Variants in KHDC1 observed in about 807,000 individuals in gnomAD.
KHDC1 encodes KH domain containing 1.
KHDC1 carries 21 observed loss-of-function variants against 24.7 expected under a neutral mutation model. The observed-to-expected ratio is 0.85, with a 90% confidence interval of 0.60 to 1.23. The LOEUF (loss-of-function observed/expected upper bound fraction) is 1.23, where lower values mean the gene tolerates loss of function less well. Ranked by LOEUF, KHDC1 falls within the 50% of genes most tolerant of loss-of-function variation. KHDC1 has a pLI of 0.00. For synonymous variants in KHDC1, 98 were observed against 111.7 expected (o/e 0.88, Z 0.77); for missense variants, 274 against 298.5 (o/e 0.92, Z 0.61).
chr6:73,279,133 A>G (rs78662395), intron 2 of KHDC1, among the ~76,000 whole-genome samples: 10,088 of 152,302 alleles, frequency 0.066, 350 homozygotes, highest in East Asian at 0.13. Flanking sequence ...TCAATCTGGC[A>G]TGGTGGCTCA....
At chr6:73,269,963 A>G (rs973266220) in intron 2 of KHDC1, 1 of 152,020 alleles carries the variant, frequency 6.6e-6, no homozygotes, top group South Asian at 2.1e-4. Flanking sequence ...TTTTGTGGAG[A>G]CAAGGTCTCA....
chr6:73,282,888 T>G (rs761902750), intron 2 of KHDC1, among the ~76,000 whole-genome samples: 1 of 152,222 alleles, frequency 6.6e-6, no homozygotes, highest in Non-Finnish European at 1.5e-5. Flanking sequence ...AGGAGACAGA[T>G]TTGAGTAATG....
At chr6:73,246,921 T>C (rs1318532591) in intron 2 of KHDC1, among the ~76,000 whole-genome samples, 1 of 152,058 alleles carries the variant, frequency 6.6e-6, no homozygotes, top group Non-Finnish European at 1.5e-5. Context: ...TCCTAATAGT[T>C]TGATTATTTT....
intron 1 of KHDC1, chr6:73,300,431 CTGCTTTT>C (rs764783845): frequency 2.0e-5 from 3 of 152,204 alleles, no homozygotes; most frequent in Non-Finnish European, 2.9e-5. Flanking sequence ...TCCTCCTCCT[CTGCTTTT>C]TTTCTCCAAA....
At chr6:73,306,081 AAATTAAGTAATCAGGG>A (rs1334224386) in intron 1 of KHDC1, among the ~76,000 whole-genome samples, 1 of 152,218 alleles carries the variant, frequency 6.6e-6, no homozygotes, top group Non-Finnish European at 1.5e-5. Context: ...TAGTAGTCAT[AAATTAAGTAATCAGGG>A]ATTAAACAAA....
chr6:73,261,618 C>CA (rs112743958), intron 2 of KHDC1, among the ~76,000 whole-genome samples: 2,375 of 141,172 alleles, frequency 0.017, 46 homozygotes, highest in African/African-American at 0.051. Flanking sequence ...AAAAAAATAC[C>CA]AAAAAAAAAA....
chr6:73,303,250 G>C (rs1299981081), intron 1 of KHDC1, among the ~76,000 whole-genome samples: 1 of 152,072 alleles, frequency 6.6e-6, no homozygotes, highest in Non-Finnish European at 1.5e-5. Flanking sequence ...GTGGTTACAA[G>C]AGATTTGGGG....
intron 1 of KHDC1, among the ~76,000 whole-genome samples, chr6:73,307,107 C>T (rs553793963): frequency 5.2e-4 from 79 of 152,216 alleles, no homozygotes; most frequent in Non-Finnish European, 8.7e-4. Context: ...CACTGATCAA[C>T]ACTAAACTAA....
At chr6:73,245,768 C>T (rs1766653639) in intron 2 of KHDC1, among the ~76,000 whole-genome samples, 1 of 152,122 alleles carries the variant, frequency 6.6e-6, no homozygotes, top group Non-Finnish European at 1.5e-5. Context: ...ACACCCCCCA[C>T]CACCCAATCA....
At chr6:73,256,026 A>G (rs1041415588) in intron 2 of KHDC1, among the ~76,000 whole-genome samples, 5 of 152,084 alleles carry the variant, frequency 3.3e-5, no homozygotes, top group Non-Finnish European at 7.3e-5. Flanking sequence ...GTGGTACCTT[A>G]GACAATCATG....
chr6:73,263,472 C>T lies in KHDC1; in HGVS notation c.207-20942G>A, dbSNP rs940072444. 41 of 172,430 alleles carry T rather than the reference C, an allele frequency of 2.4e-4. 1 individual carries two copies. The highest frequency in any genetic ancestry group is 2.3e-3 in the Admixed American group (35 of 15,310). The allele number at this position is 172,430 out of a possible 1,614,324, so 10.7% of individuals were successfully genotyped here. A position where few individuals can be genotyped will look rare whatever the true frequency, so the allele number is the denominator to read the frequency against. ...CTCAGCCCGGAGGGGGTTTTGGGGA[C>T]CCAGGCTGTGGGGCTGCCTCTTCCC... On this transcript the variant is annotated intron_variant, in intron 2 of 4. Transcript: ENST00000370384.
At chr6:73,283,148 C>T (rs1006802182) in intron 2 of KHDC1, among the ~76,000 whole-genome samples, 2 of 152,136 alleles carry the variant, frequency 1.3e-5, no homozygotes, top group Non-Finnish European at 2.9e-5. Context: ...TTATTGTAAT[C>T]TTTTGAAGGA....
chr6:73,305,459 CTG>C (rs1193227154), intron 1 of KHDC1, among the ~76,000 whole-genome samples: 3 of 151,990 alleles, frequency 2.0e-5, no homozygotes, highest in East Asian at 3.8e-4. Context: ...TTTAGTTTCT[CTG>C]TGTCTGAAAT....
At chr6:73,263,234 G>T (rs1767019020) in intron 2 of KHDC1, 38 bp from the exon 1 acceptor site, 5 of 986,746 alleles carry the variant, frequency 5.1e-6, no homozygotes, top group Non-Finnish European at 6.0e-6. Flanking sequence ...CTGCGGCGCG[G>T]GAAGCAACCC....
At chr6:73,254,507 TAAATA>T (rs1393337569) in intron 2 of KHDC1, among the ~76,000 whole-genome samples, 1 of 144,742 alleles carries the variant, frequency 6.9e-6, no homozygotes, top group East Asian at 2.1e-4. Context: ...AATAAATAAA[TAAATA>T]AAAGACTACG....
At chr6:73,270,198 G>A (rs1767155238) in intron 2 of KHDC1, 1 of 152,058 alleles carries the variant, frequency 6.6e-6, no homozygotes, top group Admixed American at 6.6e-5. Flanking sequence ...AAATTTCTAT[G>A]CATATATGTG....
Position 73,292,084 on chromosome 6 carries a change from A to G in KHDC1, c.164-44T>C, listed in dbSNP as rs569997627. 4 of 1,612,652 alleles carry G rather than the reference A, an allele frequency of 2.5e-6. No individual in the cohort carries two copies. The East Asian group carries it at 8.9e-5, about 36-fold the overall frequency. ...AAGAAAAGGAATTATTACAAGGTAA[A>G]TTGGACCTTCTTAGTGATGCCAACA... On this transcript the variant is annotated intron_variant, in intron 1 of 4. Transcript: ENST00000370384.
chr6:73,298,750 T>A (rs1385458833), intron 1 of KHDC1, among the ~76,000 whole-genome samples: 1 of 151,428 alleles, frequency 6.6e-6, no homozygotes, highest in African/African-American at 2.4e-5. Flanking sequence ...TTTTAAGATG[T>A]TATTAGAGAC....
At chr6:73,242,346 G>A (rs1766588194) in intron 3 of KHDC1, 60 bp downstream of exon 2, 23 of 1,611,202 alleles carry the variant, frequency 1.4e-5, no homozygotes, top group Non-Finnish European at 2.0e-5. Context: ...GGAGGGGAGA[G>A]GAAGAGTGAA....
Sources: gnomAD v4.1 joint callset for allele counts (sites outside exome capture counted in the v4.1 genomes callset) on GRCh38, gnomAD v4.1.1 for gene constraint, MANE v1.5 for transcripts, NCBI Gene and HGNC (gene_info 2026-07-23, HGNC 2026-07-21) for gene names.